The following STIM2 variants were observed in gnomAD, a reference collection of about 807,000 sequenced individuals.
The protein encoded by STIM2 is stromal interaction molecule 2.
A neutral mutation model predicts 85.8 loss-of-function variants in STIM2; 31 were observed. That is an observed-to-expected ratio of 0.36 (90% CI 0.27 to 0.49). The LOEUF is 0.49. Among genes scored for constraint, STIM2 ranks in the 20% least tolerant of loss-of-function variants. The pLI is 0.98. For synonymous variants in STIM2, 356 were observed against 331.1 expected (o/e 1.08, Z -0.82); for missense variants, 841 against 927.6 (o/e 0.91, Z 1.21).
intron 3 of STIM2, among the ~76,000 whole-genome samples, chr4:26,963,928 C>T (rs1726581894): frequency 6.6e-6 from 1 of 152,044 alleles, no homozygotes; most frequent in Admixed American, 6.6e-5. Context: ...TTGCTCTTAC[C>T]ATGTAGTGCA....
chr4:26,965,337 A>G lies in STIM2; in HGVS notation c.397+7611A>G, dbSNP rs533651805. Reference sequence around the variant, plus strand: ...CAACCAACATTTAAGGGAGTTTAACATGGGTTTGCTAGAAAAATAGTGTCT... The same window carrying G: ...CAACCAACATTTAAGGGAGTTTAACGTGGGTTTGCTAGAAAAATAGTGTCT... On this transcript the variant is annotated intron_variant, in intron 3 of 11. Coordinates refer to ENST00000467087, the MANE Select transcript of STIM2 (RefSeq NM_020860.4). Among the ~76,000 whole-genome samples the G allele has an allele frequency of 5.2e-3, 787 of 152,274 alleles. 8 individuals carry two copies. Among genetic ancestry groups the G allele is most frequent in the African/African-American group, 0.018 (764 of 41,558 alleles).
intron 1 of STIM2, among the ~76,000 whole-genome samples, chr4:26,869,158 G>A (rs1722513165): frequency 2.0e-5 from 3 of 151,990 alleles, no homozygotes; most frequent in South Asian, 4.1e-4. Flanking sequence ...TTAGCTGGGC[G>A]TGATGATGTG....
chr4:26,870,251 A>T (rs900437035), intron 1 of STIM2, among the ~76,000 whole-genome samples: 154 of 152,158 alleles, frequency 1.0e-3, no homozygotes, highest in Non-Finnish European at 1.5e-3. Flanking sequence ...CATATACTGT[A>T]ATTGACATTT....
chr4:26,943,582 T>C (rs2109083419), intron 2 of STIM2, among the ~76,000 whole-genome samples: 1 of 152,322 alleles, frequency 6.6e-6, no homozygotes, highest in South Asian at 2.1e-4. Context: ...AGAGTTCTGC[T>C]TTCTTCAGCT....
At chr4:26,863,892 T>C (rs1424711822) in intron 1 of STIM2, among the ~76,000 whole-genome samples, 1 of 152,154 alleles carries the variant, frequency 6.6e-6, no homozygotes, top group Non-Finnish European at 1.5e-5. Flanking sequence ...CTTCTCGAGA[T>C]TGGCATTTTT....
At chr4:26,893,726 A>T (rs1723586389) in intron 1 of STIM2, among the ~76,000 whole-genome samples, 1 of 152,076 alleles carries the variant, frequency 6.6e-6, no homozygotes, top group Admixed American at 6.6e-5. Context: ...AAGCGGATGT[A>T]TCAGTTTACT....
rs1040998307 is a variant in STIM2, at chr4:27,002,787, C to G, written c.804-140C>G. On this transcript the variant is annotated intron_variant, in intron 6 of 11. Transcript: ENST00000467087. Reference sequence around the variant, plus strand: ...TAAGTTGCCTGATATTTGTATTAACCAAACTTAAGGCTAATGAAAAATGCT... The same window carrying G: ...TAAGTTGCCTGATATTTGTATTAACGAAACTTAAGGCTAATGAAAAATGCT... 3.6e-6 allele frequency: 3 copies of G among 833,654 alleles called. No individual in the cohort carries two copies. In the African/African-American group the frequency reaches 5.4e-5, roughly 15 times the overall value. 51.6% of individuals were successfully genotyped at this position (833,654 alleles called of 1,614,324 possible). A position where few individuals can be genotyped will look rare whatever the true frequency, so the allele number is the denominator to read the frequency against.
chr4:26,964,228 A>C (rs1200801598), intron 3 of STIM2, among the ~76,000 whole-genome samples: 1 of 152,170 alleles, frequency 6.6e-6, no homozygotes, highest in East Asian at 1.9e-4. Flanking sequence ...AGTGCTTACC[A>C]ATCCATAGTG....
intron 3 of STIM2, among the ~76,000 whole-genome samples, chr4:26,969,305 A>G (rs1255741781): frequency 3.3e-5 from 5 of 152,330 alleles, no homozygotes; most frequent in African/African-American, 1.2e-4. Context: ...AGGGGCAAGT[A>G]ATTAGAGAAG....
intron 1 of STIM2, among the ~76,000 whole-genome samples, chr4:26,883,505 T>G (rs1008260640): frequency 2.0e-5 from 3 of 152,156 alleles, no homozygotes; most frequent in Non-Finnish European, 4.4e-5. Flanking sequence ...TGTCTTGGAA[T>G]TACTGTATTA....
chr4:26,981,888 T>A (rs533922988), intron 3 of STIM2, among the ~76,000 whole-genome samples: 2 of 152,304 alleles, frequency 1.3e-5, no homozygotes, highest in South Asian at 4.1e-4. Context: ...TGGTGTTATC[T>A]TTGTCATTTG....
intron 2 of STIM2, among the ~76,000 whole-genome samples, chr4:26,942,423 C>G (rs1220994414): frequency 6.6e-6 from 1 of 152,108 alleles, no homozygotes; most frequent in Non-Finnish European, 1.5e-5. Context: ...CTCTCCTTCT[C>G]CCTTTGGTTA....
At chr4:26,899,629 G>A (rs1282133781) in intron 1 of STIM2, among the ~76,000 whole-genome samples, 2 of 152,116 alleles carry the variant, frequency 1.3e-5, no homozygotes, top group Non-Finnish European at 2.9e-5. Flanking sequence ...TGACAGAGCT[G>A]ATAATTATAA....
intron 11 of STIM2, among the ~76,000 whole-genome samples, 184 bp downstream of exon 11, chr4:27,018,168 C>T (rs34889444): frequency 6.6e-6 from 1 of 152,106 alleles, no homozygotes; most frequent in Non-Finnish European, 1.5e-5. Flanking sequence ...GAATTCCAAG[C>T]CTGGTGTGAC....
At chr4:26,942,272 C>T (rs1027007558) in intron 2 of STIM2, among the ~76,000 whole-genome samples, 12 of 152,092 alleles carry the variant, frequency 7.9e-5, no homozygotes, top group Admixed American at 6.6e-5. Context: ...GATCTCATCC[C>T]CTATCCCTAC....
chr4:26,955,048 AGAAATAAAATTTCTT>A (rs1726193900), intron 2 of STIM2, among the ~76,000 whole-genome samples: 1 of 146,976 alleles, frequency 6.8e-6, no homozygotes, highest in Admixed American at 6.7e-5. Context: ...TAAATTCCTT[AGAAATAAAATTTCTT>A]AGAAATTTTA....
Position 27,008,825 on chromosome 4 carries a change from G to C in STIM2, c.1312G>C (p.Glu438Gln). ...ACGACTTTTTCGCTGGCAACAAATT[G>C]AGAAGATCTGTGGCTTTCAGATAGC... Residue 438 changes from glutamate to glutamine, a missense_variant, in exon 10 of 12, where the codon GAG becomes CAG. This residue lies in a region of STIM2 where 408 missense variants were observed against 525.4 expected (regional missense o/e 0.78). Coordinates refer to ENST00000467087, the MANE Select transcript of STIM2 (RefSeq NM_020860.4). 6.2e-7 allele frequency: 1 copy of C among 1,614,154 alleles called. No individual in the cohort carries two copies. Among genetic ancestry groups the C allele is most frequent in the Non-Finnish European group, 8.5e-7 (1 of 1,180,028 alleles).
chr4:26,954,335 A>ACACTACTCT (rs1553850568), intron 2 of STIM2, among the ~76,000 whole-genome samples: 36 of 149,758 alleles, frequency 2.4e-4, no homozygotes, highest in South Asian at 6.3e-4. Context: ...TTATTTGCTG[A>ACACTACTCT]GCACTCCCTT....
chr4:26,927,680 TAAAAAAAAAAAAAAAAA>T (rs71186498), intron 2 of STIM2, among the ~76,000 whole-genome samples: 3,535 of 23,878 alleles, frequency 0.15, 256 homozygotes, highest in African/African-American at 0.32. Flanking sequence ...TAGAGTATAA[TAAAAAAAAAAAAAAAAA>T]AAAAAAAAAA....
Sources: allele counts gnomAD v4.1 joint callset (sites outside exome capture counted in the v4.1 genomes callset), GRCh38; gene constraint gnomAD v4.1.1; regional missense constraint gnomAD v4.1.1; transcripts MANE v1.5; gene names NCBI Gene and HGNC (gene_info 2026-07-23, HGNC 2026-07-21).